FEZ1: variants seen among roughly 807,000 people sequenced by gnomAD.
FEZ1 encodes fasciculation and elongation protein zeta-1.
FEZ1 carries 20 observed loss-of-function variants against 49.3 expected under a neutral mutation model. The ratio of observed to expected loss-of-function variants is 0.41; its 90% CI spans 0.29 to 0.59. FEZ1 has a LOEUF of 0.59. Ranked by LOEUF, FEZ1 falls within the 20% of genes least tolerant of loss-of-function variation. FEZ1 has a pLI of 0.36. For synonymous variants in FEZ1, 170 were observed against 180.9 expected (o/e 0.94, Z 0.48); for missense variants, 413 against 476.0 (o/e 0.87, Z 1.23).
intron 3 of FEZ1, among the ~76,000 whole-genome samples, chr11:125,467,960 G>T (rs1270621053): frequency 2.0e-5 from 3 of 152,100 alleles, no homozygotes; most frequent in African/African-American, 7.2e-5. Flanking sequence ...TACATCACAG[G>T]AATAGAATAG....
In FEZ1 at chr11:125,489,332, G is replaced by A. The variant is rs927640033; in HGVS notation, c.311+135C>T. ...ATAGAGCTATGACAGCAAGTACCAG[G>A]GCACTGCTCCGCTGGCAACACGAAA... is the stretch of plus-strand genomic sequence containing the variant. On this transcript the variant is annotated intron_variant, in intron 2 of 9. Transcript: ENST00000278919. This position sits in a 1 kb window ranked among gnomAD's most constrained non-coding sequence, Gnocchi z 4.2. 20 of 1,447,422 alleles carry A rather than the reference G, an allele frequency of 1.4e-5. No individual in the cohort carries two copies. Among genetic ancestry groups the A allele is most frequent in the Non-Finnish European group, 1.5e-5 (17 of 1,101,994 alleles). 89.7% of individuals were successfully genotyped at this position (1,447,422 alleles called of 1,614,324 possible). A position where few individuals can be genotyped will look rare whatever the true frequency, so the allele number is the denominator to read the frequency against.
At chr11:125,471,013 T>C (rs867418620) in intron 3 of FEZ1, among the ~76,000 whole-genome samples, 2 of 152,184 alleles carry the variant, frequency 1.3e-5, no homozygotes, top group African/African-American at 4.8e-5. Context: ...AAGTGTACAA[T>C]ATTAATTCTA....
chr11:125,463,375 G>A, intron 4 of FEZ1, 109 bp downstream of exon 4: 1 of 694,748 alleles, frequency 1.4e-6, no homozygotes, highest in Non-Finnish European at 2.6e-6. Flanking sequence ...GGCACCACAT[G>A]ACCACATATC....
chr11:125,468,487 G>A (rs1957154510), intron 3 of FEZ1, among the ~76,000 whole-genome samples: 1 of 152,094 alleles, frequency 6.6e-6, no homozygotes, highest in African/African-American at 2.4e-5. Context: ...ACCACACCCA[G>A]CCCATAACAT....
At chr11:125,447,153 C>A (rs11220077) in intron 9 of FEZ1, among the ~76,000 whole-genome samples, 9,339 of 152,232 alleles carry the variant, frequency 0.061, 339 homozygotes, top group Middle Eastern at 0.095. Context: ...CCATGGAAGT[C>A]TGGAAACCTA....
Position 125,442,959 on chromosome 11 carries a change from C to T in FEZ1, c.*3136G>A, listed in dbSNP as rs1040965524. Among the ~76,000 whole-genome samples, 1 of 152,228 alleles carries T rather than the reference C, an allele frequency of 6.6e-6. No homozygotes were observed. The highest frequency in any genetic ancestry group is 1.5e-5 in the Non-Finnish European group (1 of 68,004). ...CCATGTTGGCCAGGCTGGTCTCAAA[C>T]TCCTGACCTCAGGTGATCTGCCCAC... is the stretch of plus-strand genomic sequence containing the variant. On this transcript the variant is annotated 3_prime_UTR_variant, in exon 10 of 10. Transcript: ENST00000278919.
intron 2 of FEZ1, among the ~76,000 whole-genome samples, chr11:125,482,019 G>T (rs893759031): frequency 6.6e-6 from 1 of 152,148 alleles, no homozygotes; most frequent in Admixed American, 6.5e-5. Context: ...GAGAGAGAGA[G>T]AGAGAAAGAG....
chr11:125,449,417 T>TAAAAAAAA (rs35920814), intron 8 of FEZ1, among the ~76,000 whole-genome samples: 11 of 27,000 alleles, frequency 4.1e-4, no homozygotes, highest in Admixed American at 1.5e-3. Flanking sequence ...TTTGTCTCTA[T>TAAAAAAAA]AAAAAAAAAA....
rs947782519 is a variant in FEZ1 at position 125,495,468 on chromosome 11, A to G, written c.-46+653T>C. The G allele has an allele frequency of 4.3e-6, 2 of 470,372 alleles. No homozygotes were observed. The highest frequency in any genetic ancestry group is 8.8e-6 in the Non-Finnish European group (2 of 226,700). 29.1% of individuals were successfully genotyped at this position (470,372 alleles called of 1,614,324 possible). A position where few individuals can be genotyped will look rare whatever the true frequency, so the allele number is the denominator to read the frequency against. ...ACGGCAGCGCGCCCCGCCACCGCGC[A>G]GCCGCCCCGGTCCCTTCTCCCGCCC... On this transcript the variant is annotated intron_variant, in intron 1 of 9. Coordinates refer to ENST00000278919, the MANE Select transcript of FEZ1 (RefSeq NM_005103.5). The surrounding 1 kb of genome is among the most constrained non-coding windows in gnomAD (Gnocchi z 4.2).
rs368067461 is a variant in FEZ1 at position 125,493,321 on chromosome 11, C to T, written c.-46+2800G>A. The stretch of plus-strand genomic sequence containing the variant: ...TGCACTCCAGCCTGGGCAACAAGAG[C>T]GAAACTCCATCTCAAGAAAGAAAGA... On this transcript the variant is annotated intron_variant, in intron 1 of 9. Transcript: ENST00000278919. Among the ~76,000 whole-genome samples, 766 of 125,844 alleles carry T rather than the reference C, an allele frequency of 6.1e-3. 16 individuals are homozygous for T. Among genetic ancestry groups the T allele is most frequent in the African/African-American group, 0.017 (547 of 31,954 alleles). The allele number at this position is 125,844 out of a possible 152,430, so 82.6% of individuals were successfully genotyped here.
intron 4 of FEZ1, among the ~76,000 whole-genome samples, chr11:125,462,014 T>C (rs1241919750): frequency 2.0e-5 from 3 of 152,236 alleles, no homozygotes; most frequent in Admixed American, 1.3e-4. Context: ...TTCATATCAT[T>C]GAATTGTAGA....
At position 125,456,085 on chromosome 11, in the gene FEZ1, G is replaced by C. The variant is rs764152625; in HGVS notation, c.689C>G (p.Ser230Cys). 6.2e-7 allele frequency: 1 copy of C among 1,602,528 alleles called. No homozygotes were observed. Among genetic ancestry groups the C allele is most frequent in the Non-Finnish European group, 8.5e-7 (1 of 1,174,930 alleles). The change falls in exon 6 of 10, where the codon TCT becomes TGT. Residue 230 changes from serine (S) to cysteine (C), a missense_variant. By Grantham distance (112) the Ser-to-Cys change is moderately radical (BLOSUM62 -1). Transcript: ENST00000278919. Reference sequence around the variant, plus strand: ...CTGGTCCAGCAGCTCGGTCAGCTCAGACCCAGACATGTGCCTCAGCCCTGC... The same window carrying C: ...CTGGTCCAGCAGCTCGGTCAGCTCACACCCAGACATGTGCCTCAGCCCTGC... ...SYEGLRHMSG[S>C]ELTELLDQVE...
chr11:125,493,456 AG>A, intron 1 of FEZ1, among the ~76,000 whole-genome samples: 1 of 61,108 alleles, frequency 1.6e-5, no homozygotes. Flanking sequence ...GAAGGAAAGA[AG>A]GAAAGAAGGA....
rs958131864 is a variant in FEZ1, at chr11:125,495,444, C to T, written c.-46+677G>A. 1 of 470,350 alleles carries T rather than the reference C, an allele frequency of 2.1e-6. No homozygotes were observed. The highest frequency in any genetic ancestry group is 2.4e-5 in the Admixed American group (1 of 42,528). The allele number at this position is 470,350 out of a possible 1,614,324, so 29.1% of individuals were successfully genotyped here. On this transcript the variant is annotated intron_variant, in intron 1 of 9. Transcript: ENST00000278919. This position sits in a 1 kb window ranked among gnomAD's most constrained non-coding sequence, Gnocchi z 4.2. ...ATTCCAGAGCCCGGGGCCCACCCGACGGCAGCGCGCCCCGCCACCGCGCAG... is the reference window on the plus strand; with the variant it reads ...ATTCCAGAGCCCGGGGCCCACCCGATGGCAGCGCGCCCCGCCACCGCGCAG...
Position 125,443,978 on chromosome 11 carries a change from C to T in FEZ1, c.*2117G>A, listed in dbSNP as rs576956043. On this transcript the variant is annotated 3_prime_UTR_variant, in exon 10 of 10. Transcript: ENST00000278919. Reference sequence around the variant, plus strand: ...AGGAAGAAAAGCTCTCAGGAATTCACTGCTTCCCCTTTGCTGAGGCTGGTG... The same window carrying T: ...AGGAAGAAAAGCTCTCAGGAATTCATTGCTTCCCCTTTGCTGAGGCTGGTG... Among the ~76,000 whole-genome samples, 117 of 152,350 alleles carry T rather than the reference C, an allele frequency of 7.7e-4. 1 individual carries two copies. Among genetic ancestry groups the T allele is most frequent in the Non-Finnish European group, 1.4e-3 (97 of 68,038 alleles).
Position 125,448,502 on chromosome 11 carries a change from C to T in FEZ1, c.1162G>A (p.Val388Met). Residue 388 changes from valine (V) to methionine (M), a missense_variant and splice_region_variant, in exon 9 of 10, where the codon GTG (valine) becomes ATG (methionine). Val to Met is a conservative substitution (Grantham distance 21). Transcript: ENST00000278919. ...PTLLTDYILK[V>M]LCPT ...CCAGGAGGCCTGGGGCTGCTCTTACCTTTTAAAATGTAGTCCGTTAGCAAA... is the reference window on the plus strand; with the variant it reads ...CCAGGAGGCCTGGGGCTGCTCTTACTTTTTAAAATGTAGTCCGTTAGCAAA... The T allele has an allele frequency of 6.2e-7, 1 of 1,607,286 alleles. No homozygotes were observed. The highest frequency in any genetic ancestry group is 8.5e-7 in the Non-Finnish European group (1 of 1,173,868).
Position 125,481,625 on chromosome 11 carries a change from T to C in FEZ1, c.320A>G (p.Asp107Gly). The C allele has an allele frequency of 6.2e-7, 1 of 1,607,782 alleles. No homozygotes were observed. The highest frequency in any genetic ancestry group is 8.5e-7 in the Non-Finnish European group (1 of 1,174,466). ...EETLQDEEVW[D>G]ALTDNYIPSL... ...AGGGATGTAATTGTCTGTCAGAGCA[T>C]CCCAAACCCTGTAAACAAAGAGAAG... The change falls in exon 3 of 10, where the codon GAT (aspartate) becomes GGT (glycine). Residue 107 changes from aspartate (D) to glycine (G), a missense_variant. By Grantham distance (94) the Asp-to-Gly change is moderately conservative. Coordinates refer to ENST00000278919, the MANE Select transcript of FEZ1 (RefSeq NM_005103.5).
Position 125,463,536 on chromosome 11 carries a change from T to G in FEZ1, c.446A>C (p.Lys149Thr). 6.2e-7 allele frequency: 1 copy of G among 1,611,488 alleles called. No homozygotes were observed. Among genetic ancestry groups the G allele is most frequent in the Non-Finnish European group, 8.5e-7 (1 of 1,177,624 alleles). ...GTTGATACCGGAATCATTTTCACTC[T>G]TCTCATTGAACTCTTCCTCTTCTTT... ...HEKEEEEFNE[K>T]SENDSGINEE... Residue 149 changes from lysine (K) to threonine (T), a missense_variant, in exon 4 of 10, where the codon AAG (lysine) becomes ACG (threonine). Physicochemically the swap from Lys to Thr is moderately conservative, Grantham distance 78 (BLOSUM62 -1). Transcript: ENST00000278919.
intron 3 of FEZ1, among the ~76,000 whole-genome samples, chr11:125,472,781 C>T (rs1416355599): frequency 1.3e-5 from 2 of 151,980 alleles, no homozygotes; most frequent in African/African-American, 4.8e-5. Context: ...AAAATATCGG[C>T]AAATCAAATC....
Sources: gnomAD v4.1 joint callset for allele counts (sites outside exome capture counted in the v4.1 genomes callset) on GRCh38, gnomAD v4.1.1 for gene constraint, Gnocchi (gnomAD v3.1) non-coding constraint, MANE v1.5 for transcripts, NCBI Gene and HGNC (gene_info 2026-07-23, HGNC 2026-07-21) for gene names.